MAF: variants seen among roughly 807,000 people sequenced by gnomAD.
MAF encodes transcription factor Maf.
Under a neutral mutation model 22.0 loss-of-function variants are expected in MAF, and 10 were observed. That is an observed-to-expected ratio of 0.45 (90% CI 0.28 to 0.77). The LOEUF is 0.77. Ranked by LOEUF, MAF falls within the 30% of genes least tolerant of loss-of-function variation. MAF has a pLI of 0.12. For missense variants in MAF, 544 were observed against 548.4 expected, an observed-to-expected ratio of 0.99 and a Z score of 0.08; for synonymous variants, 337 against 255.8, an observed-to-expected ratio of 1.32 and a Z score of -3.03.
At chr16:79,316,334 G>A in the MAF span, among the ~76,000 whole-genome samples, 3 of 152,222 alleles carry the variant, frequency 2.0e-5, no homozygotes, top group Admixed American at 6.5e-5. Context: ...GCATCTCTCC[G>A]CAGAGCTCTA....
At chr16:79,552,732 C>A in the MAF span, among the ~76,000 whole-genome samples, 29 of 152,168 alleles carry the variant, frequency 1.9e-4, no homozygotes, top group Admixed American at 1.8e-3. Flanking sequence ...GTTCTTCCCA[C>A]TGGATTTGCT....
At chr16:79,432,119 G>C in the MAF span, among the ~76,000 whole-genome samples, 1 of 152,176 alleles carries the variant, frequency 6.6e-6, no homozygotes, top group East Asian at 1.9e-4. Flanking sequence ...ATGGATCACA[G>C]GGATGGTTTC....
the MAF span, among the ~76,000 whole-genome samples, chr16:79,520,271 C>T: frequency 2.0e-5 from 3 of 152,256 alleles, no homozygotes; most frequent in Non-Finnish European, 2.9e-5. Flanking sequence ...TCTATCCTTC[C>T]ATGAAGTAAA....
At chr16:79,456,521 T>C in the MAF span, among the ~76,000 whole-genome samples, 1 of 152,170 alleles carries the variant, frequency 6.6e-6, no homozygotes, top group South Asian at 2.1e-4. Context: ...ACTACATTGG[T>C]TTGCTGAATG....
At chr16:79,596,298 T>C in intron 1 of MAF, 1 of 1,059,726 alleles carries the variant, frequency 9.4e-7, no homozygotes, top group South Asian at 4.6e-5. Context: ...CTATATTAAA[T>C]ATTGCTAATC....
At chr16:79,381,655 T>G in the MAF span, among the ~76,000 whole-genome samples, 1 of 152,186 alleles carries the variant, frequency 6.6e-6, no homozygotes, top group Non-Finnish European at 1.5e-5. Flanking sequence ...CATGTTCCAC[T>G]TTGGTAGCTA....
chr16:79,468,725 G>C, the MAF span, among the ~76,000 whole-genome samples: 1 of 152,166 alleles, frequency 6.6e-6, no homozygotes, highest in Non-Finnish European at 1.5e-5. Context: ...CAAATCCTTT[G>C]GGGTAGAGGA....
chr16:79,500,345 C>G, the MAF span, among the ~76,000 whole-genome samples: 1 of 152,226 alleles, frequency 6.6e-6, no homozygotes, highest in Non-Finnish European at 1.5e-5. Context: ...TTGTTGCCTA[C>G]TAGGTGGTAT....
the MAF span, among the ~76,000 whole-genome samples, chr16:79,470,890 A>G: frequency 6.6e-6 from 1 of 152,208 alleles, no homozygotes; most frequent in Non-Finnish European, 1.5e-5. Flanking sequence ...GTATCCCAAG[A>G]ACCTGATGCA....
At chr16:79,496,390 T>C in the MAF span, among the ~76,000 whole-genome samples, 2 of 152,234 alleles carry the variant, frequency 1.3e-5, no homozygotes, top group African/African-American at 2.4e-5. Context: ...TTTTCTGGCA[T>C]TGACTAGCAA....
At chr16:79,360,898 C>T in the MAF span, among the ~76,000 whole-genome samples, 1 of 152,154 alleles carries the variant, frequency 6.6e-6, no homozygotes, top group Non-Finnish European at 1.5e-5. Context: ...GTGAACATCT[C>T]TTTCTAACTC....
chr16:79,264,956 G>T, the MAF span, among the ~76,000 whole-genome samples: 2 of 152,148 alleles, frequency 1.3e-5, no homozygotes, highest in African/African-American at 4.8e-5. Flanking sequence ...AGAAAGGGAA[G>T]CTGTGGGAAC....
At chr16:79,423,980 C>T in the MAF span, among the ~76,000 whole-genome samples, 1 of 152,144 alleles carries the variant, frequency 6.6e-6, no homozygotes, top group Admixed American at 6.5e-5. Flanking sequence ...GATTCATTAG[C>T]CTGCTACAAC....
At chr16:79,565,538 T>C in the MAF span, among the ~76,000 whole-genome samples, 1 of 151,848 alleles carries the variant, frequency 6.6e-6, no homozygotes, top group Admixed American at 6.6e-5. Flanking sequence ...GGTGACTGAA[T>C]CATGGGGGTG....
the MAF span, among the ~76,000 whole-genome samples, chr16:79,223,192 G>T: frequency 6.6e-6 from 1 of 152,176 alleles, no homozygotes; most frequent in Non-Finnish European, 1.5e-5. Flanking sequence ...AATCATATTA[G>T]AACTCAGGAT....
chr16:79,377,013 T>A, the MAF span, among the ~76,000 whole-genome samples: 28 of 152,208 alleles, frequency 1.8e-4, no homozygotes, highest in East Asian at 5.0e-3. Flanking sequence ...TAGCAGCATG[T>A]TTTATAATCC....
the MAF span, among the ~76,000 whole-genome samples, chr16:79,484,723 T>G: frequency 6.6e-6 from 1 of 152,136 alleles, no homozygotes; most frequent in Non-Finnish European, 1.5e-5. Flanking sequence ...ACTGGCCTGC[T>G]GGTGATGATA....
chr16:79,531,788 C>T, the MAF span, among the ~76,000 whole-genome samples: 1 of 152,098 alleles, frequency 6.6e-6, no homozygotes, highest in Non-Finnish European at 1.5e-5. Flanking sequence ...TGCTGTGTGA[C>T]CTGGTTCCTA....
chr16:79,430,321 G>A, the MAF span, among the ~76,000 whole-genome samples: 34 of 152,366 alleles, frequency 2.2e-4, 1 homozygote, highest in South Asian at 4.3e-3. Flanking sequence ...GCAGGGCTGC[G>A]TCTGCACCTT....
Sources: gnomAD v4.1 joint callset for allele counts (sites outside exome capture counted in the v4.1 genomes callset) on GRCh38, gnomAD v4.1.1 for gene constraint, MANE v1.5 for transcripts, NCBI Gene and HGNC (gene_info 2026-07-23, HGNC 2026-07-21) for gene names.